PRKAR1B: variants seen among roughly 807,000 people sequenced by gnomAD.
PRKAR1B encodes cAMP-dependent protein kinase type I-beta regulatory subunit.
Under a neutral mutation model 46.5 loss-of-function variants are expected in PRKAR1B, and 22 were observed. The observed-to-expected ratio is 0.47, with a 90% confidence interval of 0.34 to 0.68. The LOEUF is 0.68. Among genes scored for constraint, PRKAR1B ranks in the 30% least tolerant of loss-of-function variants. PRKAR1B has a pLI of 0.01. For missense variants in PRKAR1B, 445 were observed against 535.6 expected, an observed-to-expected ratio of 0.83 and a Z score of 1.67; for synonymous variants, 259 against 217.7, an observed-to-expected ratio of 1.19 and a Z score of -1.67.
intron 3 of PRKAR1B, among the ~76,000 whole-genome samples, chr7:679,577 G>A (rs1453950785): frequency 6.6e-6 from 1 of 152,242 alleles, no homozygotes; most frequent in Non-Finnish European, 1.5e-5. Context: ...GGAATGGGGT[G>A]TGCGTGTTTA....
Position 560,106 on chromosome 7 carries a change from C to T in PRKAR1B, c.892-8636G>A, listed in dbSNP as rs146053814. ...TGAGTTGTAGCTCCCATAATCCCCACGTGTTGTGGGAGGGACCCAGGGGGC... is the reference window on the plus strand; with the variant it reads ...TGAGTTGTAGCTCCCATAATCCCCATGTGTTGTGGGAGGGACCCAGGGGGC... On this transcript the variant is annotated intron_variant, in intron 9 of 10. Transcript: ENST00000537384. This position sits in a 1 kb window ranked among gnomAD's most constrained non-coding sequence, Gnocchi z 4.2. Among the ~76,000 whole-genome samples the T allele has an allele frequency of 1.0e-3, 156 of 152,204 alleles. No individual in the cohort carries two copies. Among genetic ancestry groups the T allele is most frequent in the African/African-American group, 3.4e-3 (143 of 41,514 alleles).
At chr7:595,197 C>G (rs1476292017) in intron 7 of PRKAR1B, among the ~76,000 whole-genome samples, 1 of 152,236 alleles carries the variant, frequency 6.6e-6, no homozygotes, top group Non-Finnish European at 1.5e-5. Context: ...AGCCCTGGCC[C>G]AGCCCTGTGC....
intron 4 of PRKAR1B, among the ~76,000 whole-genome samples, chr7:668,564 C>T (rs1361119025): frequency 1.3e-5 from 2 of 152,206 alleles, no homozygotes; most frequent in Non-Finnish European, 2.9e-5. Flanking sequence ...TCAAGCCAGC[C>T]TTACAAAGAG....
chr7:684,052 C>T (rs560507048), intron 2 of PRKAR1B, among the ~76,000 whole-genome samples: 21 of 151,730 alleles, frequency 1.4e-4, no homozygotes, highest in Admixed American at 1.4e-3. Flanking sequence ...TGCTGATGCC[C>T]TCTGTGTATG....
At chr7:689,528 T>G (rs1434029715) in intron 2 of PRKAR1B, among the ~76,000 whole-genome samples, 1 of 152,118 alleles carries the variant, frequency 6.6e-6, no homozygotes, top group African/African-American at 2.4e-5. Flanking sequence ...CATCACAGAG[T>G]AACCCAGGAT....
At chr7:727,984 C>T (rs1239000120), upstream of PRKAR1B, among the ~76,000 whole-genome samples, 1 of 151,824 alleles carries the variant, frequency 6.6e-6, no homozygotes, top group Non-Finnish European at 1.5e-5. Flanking sequence ...TGAGGGCACG[C>T]GCTTTGAGAC....
chr7:720,836 A>G (rs1408901632), intron 1 of PRKAR1B, among the ~76,000 whole-genome samples: 1 of 152,132 alleles, frequency 6.6e-6, no homozygotes, highest in Non-Finnish European at 1.5e-5. Context: ...CTATGTTATT[A>G]TGTTTGAAGT....
Position 711,527 on chromosome 7 carries a change from C to T in PRKAR1B, c.-22G>A. On this transcript the variant is annotated splice_region_variant and 5_prime_UTR_variant, in exon 2 of 11. Coordinates refer to ENST00000537384, the MANE Select transcript of PRKAR1B (RefSeq NM_001164760.2). ...CCATGGCGAGGGTGGCTGCTTCCTT[C>T]CTGTCCAGAAAACACACAGATCCCC... 6.2e-7 allele frequency: 1 copy of T among 1,610,832 alleles called. No homozygotes were observed. Among genetic ancestry groups the T allele is most frequent in the Non-Finnish European group, 8.5e-7 (1 of 1,178,458 alleles).
intron 4 of PRKAR1B, among the ~76,000 whole-genome samples, chr7:670,103 C>T (rs577160354): frequency 2.0e-5 from 3 of 151,910 alleles, no homozygotes; most frequent in South Asian, 2.1e-4. Flanking sequence ...CTCCTGACCT[C>T]GTGATCCACC....
At chr7:663,617 G>A (rs1162448840) in intron 4 of PRKAR1B, among the ~76,000 whole-genome samples, 1 of 152,176 alleles carries the variant, frequency 6.6e-6, no homozygotes, top group Non-Finnish European at 1.5e-5. Context: ...GTGTCCCAGG[G>A]TCCTGGCCCT....
chr7:694,032 C>T (rs919179915), intron 2 of PRKAR1B, among the ~76,000 whole-genome samples: 2 of 152,310 alleles, frequency 1.3e-5, no homozygotes, highest in Admixed American at 1.3e-4. Flanking sequence ...CGCCTGTAAT[C>T]CCAGCACTTT....
chr7:727,542 C>T (rs2128066996), upstream of PRKAR1B: 2 of 287,766 alleles, frequency 7.0e-6, no homozygotes, highest in East Asian at 1.2e-4. Context: ...TCACGTCCCG[C>T]CACCAACGCG....
chr7:656,949 A>T (rs1785235827), intron 4 of PRKAR1B, among the ~76,000 whole-genome samples: 1 of 151,792 alleles, frequency 6.6e-6, no homozygotes, highest in Non-Finnish European at 1.5e-5. Flanking sequence ...GAACGAATGA[A>T]TGGATGCATG....
At chr7:680,019 G>A (rs1315301480) in intron 3 of PRKAR1B, among the ~76,000 whole-genome samples, 3 of 152,078 alleles carry the variant, frequency 2.0e-5, no homozygotes, top group Non-Finnish European at 4.4e-5. Context: ...TTAGCTGGGT[G>A]TGGTGGTAGG....
At chr7:629,394 C>T (rs553649061) in intron 4 of PRKAR1B, among the ~76,000 whole-genome samples, 6 of 134,822 alleles carry the variant, frequency 4.5e-5, no homozygotes, top group East Asian at 2.3e-4. Context: ...CCACGGCCTC[C>T]GAGGGCGCCA....
chr7:699,462 G>A (rs1779947155), intron 2 of PRKAR1B, among the ~76,000 whole-genome samples: 1 of 152,100 alleles, frequency 6.6e-6, no homozygotes, highest in African/African-American at 2.4e-5. Context: ...GAAGGAGTGG[G>A]CAGTTACCCC....
In PRKAR1B at chr7:680,740, G is replaced by A. The variant is rs369695106; in HGVS notation, c.178-14C>T. On this transcript the variant is annotated splice_polypyrimidine_tract_variant and intron_variant, in intron 2 of 10. Transcript: ENST00000537384. ...CCTGTTTTCTTCCTGTGTGGGAGAG[G>A]AAAACACAGAAAGGAAGTAAGAACC... The A allele has an allele frequency of 1.2e-6, 2 of 1,613,528 alleles. No homozygotes were observed. Among genetic ancestry groups the A allele is most frequent in the Admixed American group, 1.7e-5 (1 of 59,932 alleles).
intron 7 of PRKAR1B, among the ~76,000 whole-genome samples, chr7:588,780 G>A (rs1428202305): frequency 8.7e-5 from 8 of 91,756 alleles, no homozygotes; most frequent in South Asian, 4.1e-4. Context: ...GGTGATGGTG[G>A]TGATGGTGGT....
chr7:600,240 C>T (rs1195971785), intron 6 of PRKAR1B, among the ~76,000 whole-genome samples: 5 of 152,248 alleles, frequency 3.3e-5, no homozygotes, highest in Non-Finnish European at 5.9e-5. Context: ...GGCAGTGGCT[C>T]ATACCTGTCA....
Sources: gnomAD v4.1 joint callset for allele counts (sites outside exome capture counted in the v4.1 genomes callset) on GRCh38, gnomAD v4.1.1 for gene constraint, Gnocchi (gnomAD v3.1) non-coding constraint, MANE v1.5 for transcripts, NCBI Gene and HGNC (gene_info 2026-07-23, HGNC 2026-07-21) for gene names.